The following TRPV4 variants were observed in gnomAD, a reference collection of about 807,000 sequenced individuals.
TRPV4 encodes the protein transient receptor potential cation channel subfamily V member 4, also known as OSM9-like transient receptor potential channel 4.
TRPV4 carries 58 observed loss-of-function variants against 84.1 expected under a neutral mutation model. The observed-to-expected ratio is 0.69, with a 90% CI of 0.56 to 0.86. TRPV4 has a LOEUF of 0.86. Ranked by LOEUF, TRPV4 falls within the 40% of genes least tolerant of loss-of-function variation. The probability of loss-of-function intolerance (pLI) is 0.00; values close to 1 mark genes in which losing one functional copy is unlikely to be tolerated. For missense variants in TRPV4, 879 were observed against 1,181.1 expected, an observed-to-expected ratio of 0.74 and a Z score of 3.75; for synonymous variants, 489 against 500.9, an observed-to-expected ratio of 0.98 and a Z score of 0.32.
chr12:109,784,408 T>C lies in TRPV4; in HGVS notation c.2366A>G (p.Asn789Ser). The C allele has an allele frequency of 1.2e-6, 2 of 1,614,134 alleles. No individual in the cohort carries two copies. Among genetic ancestry groups the C allele is most frequent in the Non-Finnish European group, 8.5e-7 (1 of 1,180,016 alleles). Residue 789 changes from asparagine to serine, a missense_variant, in exon 15 of 16, where the codon AAC (asparagine) becomes AGC (serine). Transcript: ENST00000261740. ...RVDEVNWSHWNQNLGIINEDP... is the reference protein window; with the variant it reads ...RVDEVNWSHWSQNLGIINEDP... Reference sequence around the variant, plus strand: ...CTCGTTGATGATGCCCAAGTTCTGGTTCCAGTGAGACCAGTTCACCTCATC... The same window carrying C: ...CTCGTTGATGATGCCCAAGTTCTGGCTCCAGTGAGACCAGTTCACCTCATC...
chr12:109,792,680 G>A lies in TRPV4; in HGVS notation c.1796C>T (p.Thr599Met), dbSNP rs769225216. ...ALYFTRGLKLTGTYSIMIQKI... is the reference protein window; with the variant it reads ...ALYFTRGLKLMGTYSIMIQKI... Reference sequence around the variant, plus strand: ...CTGGATCATGATGCTATAGGTCCCCGTCAGCTTCAGCCCACGGGTGAAGTA... The same window carrying A: ...CTGGATCATGATGCTATAGGTCCCCATCAGCTTCAGCCCACGGGTGAAGTA... The change falls in exon 11 of 16, where the codon ACG becomes ATG. Residue 599 changes from threonine to methionine, a missense_variant. Physicochemically the swap from Thr to Met is moderately conservative, Grantham distance 81. Coordinates refer to ENST00000261740, the MANE Select transcript of TRPV4 (RefSeq NM_021625.5). The A allele has an allele frequency of 1.5e-5, 24 of 1,614,046 alleles. No individual in the cohort carries two copies. Among genetic ancestry groups the A allele is most frequent in the South Asian group, 1.3e-4 (12 of 91,086 alleles).
In TRPV4 at chr12:109,814,660, G is replaced by A. The variant is rs202066574; in HGVS notation, c.137C>T (p.Ser46Phe). ...GGCATCAGCCGGTGAGGGCGAAAGG[G>A]AGCCATCCTCCCCCTCAAACAGATT... ...LANLFEGEDGSLSPSPADASR... is the reference protein window; with the variant it reads ...LANLFEGEDGFLSPSPADASR... The change falls in exon 2 of 16, where the codon TCC becomes TTC. Residue 46 changes from serine to phenylalanine, a missense_variant. Coordinates refer to ENST00000261740, the MANE Select transcript of TRPV4 (RefSeq NM_021625.5). The surrounding 1 kb of genome is among the most constrained non-coding windows in gnomAD (Gnocchi z 5.4). 1.6e-4 allele frequency: 255 copies of A among 1,613,392 alleles called. No homozygotes were observed. The highest frequency in any genetic ancestry group is 2.1e-4 in the Non-Finnish European group (251 of 1,179,836).
In TRPV4 at chr12:109,786,631, C is replaced by T. The variant is rs545502019; in HGVS notation, c.2336+79G>A. On this transcript the variant is annotated intron_variant, in intron 14 of 15. Coordinates refer to ENST00000261740, the MANE Select transcript of TRPV4 (RefSeq NM_021625.5). This position sits in a 1 kb window ranked among gnomAD's most constrained non-coding sequence, Gnocchi z 4.5. ...GGCTCCAGAAATTGCAATGGGTAGA[C>T]GACGCTGGAGCAGCAGGGGCCCCGA... 52 of 1,578,358 alleles carry T rather than the reference C, an allele frequency of 3.3e-5. No homozygotes were observed. Among genetic ancestry groups the T allele is most frequent in the African/African-American group, 1.2e-4 (9 of 74,192 alleles).
At chr12:109,832,951 T>A (rs956797775) in intron 1 of TRPV4, among the ~76,000 whole-genome samples, 5 of 152,030 alleles carry the variant, frequency 3.3e-5, no homozygotes, top group African/African-American at 1.2e-4. Context: ...GACTCCAAAT[T>A]CCCTCCGACA....
intron 13 of TRPV4, 121 bp downstream of exon 13, chr12:109,788,278 TG>T: frequency 1.1e-6 from 1 of 946,788 alleles, no homozygotes; most frequent in Non-Finnish European, 1.6e-6. Context: ...GACAGAGAAG[TG>T]GAGGGAGAAT....
At chr12:109,789,032 A>G (rs968507896) in intron 12 of TRPV4, among the ~76,000 whole-genome samples, 5 of 152,068 alleles carry the variant, frequency 3.3e-5, no homozygotes, top group Non-Finnish European at 7.3e-5. Context: ...CACAGGCTCA[A>G]TCCCACTACT....
chr12:109,794,074 G>A (rs950679930), intron 8 of TRPV4, 52 bp from the exon 9 acceptor site: 6 of 1,460,500 alleles, frequency 4.1e-6, no homozygotes, highest in Non-Finnish European at 5.7e-6. Context: ...CCAACATCTG[G>A]CCCCCAATCC....
At chr12:109,800,009 C>T (rs1291452537) in intron 5 of TRPV4, among the ~76,000 whole-genome samples, 2 of 152,034 alleles carry the variant, frequency 1.3e-5, no homozygotes, top group Admixed American at 1.3e-4. Flanking sequence ...ATGGGGAAAT[C>T]TCGGCTCATT....
At chr12:109,818,520 G>A (rs79762876) in intron 1 of TRPV4, among the ~76,000 whole-genome samples, 3 of 152,022 alleles carry the variant, frequency 2.0e-5, no homozygotes, top group Non-Finnish European at 2.9e-5. Flanking sequence ...CCACCCGAGC[G>A]CTTACAGTGT....
intron 1 of TRPV4, among the ~76,000 whole-genome samples, chr12:109,819,519 A>T (rs1038961742): frequency 6.6e-6 from 1 of 152,234 alleles, no homozygotes; most frequent in African/African-American, 2.4e-5. Flanking sequence ...GACTGTGAAC[A>T]TCCTCACACA....
Position 109,803,063 on chromosome 12 carries a change from G to A in TRPV4, c.640C>T (p.Leu214=), listed in dbSNP as rs747511037. 4 of 1,614,210 alleles carry A rather than the reference G, an allele frequency of 2.5e-6. No homozygotes were observed. The Admixed American group carries it at 5.0e-5, about 20-fold the overall frequency. ...TTGCCGGTGCGCTCCGCGATGTCCA[G>A]CAGCACAGGGATGGTGTCGTTGCGG... is the stretch of plus-strand genomic sequence containing the variant. ...NGRNDTIPVL[L]DIAERTGNMR... Residue 214 remains leucine (L), a synonymous_variant, in exon 4 of 16, where the codon CTG becomes TTG. Coordinates refer to ENST00000261740, the MANE Select transcript of TRPV4 (RefSeq NM_021625.5).
At chr12:109,794,737 G>A (rs1001447512) in intron 7 of TRPV4, among the ~76,000 whole-genome samples, 1 of 152,126 alleles carries the variant, frequency 6.6e-6, no homozygotes, top group African/African-American at 2.4e-5. Flanking sequence ...TTATTTTCAG[G>A]CCGGCCGCAG....
At chr12:109,820,249 T>A (rs1363152578) in intron 1 of TRPV4, among the ~76,000 whole-genome samples, 1 of 151,620 alleles carries the variant, frequency 6.6e-6, no homozygotes. Flanking sequence ...GGCTCAGGAG[T>A]GGGCAAGTTA....
Position 109,814,385 on chromosome 12 carries a change from C to T in TRPV4, c.386+26G>A. 2 of 1,611,556 alleles carry T rather than the reference C, an allele frequency of 1.2e-6. No homozygotes were observed. The highest frequency in any genetic ancestry group is 1.7e-6 in the Non-Finnish European group (2 of 1,179,052). Reference sequence around the variant, plus strand: ...TGAATGGATACAGAGGAGGAGACCACAGGCCAGGAAGCTAACAATACTCAC... The same window carrying T: ...TGAATGGATACAGAGGAGGAGACCATAGGCCAGGAAGCTAACAATACTCAC... On this transcript the variant is annotated intron_variant, in intron 2 of 15. Coordinates refer to ENST00000261740, the MANE Select transcript of TRPV4 (RefSeq NM_021625.5). This position sits in a 1 kb window ranked among gnomAD's most constrained non-coding sequence, Gnocchi z 5.4.
At chr12:109,831,644 C>A (rs1023022676) in intron 1 of TRPV4, among the ~76,000 whole-genome samples, 1 of 152,220 alleles carries the variant, frequency 6.6e-6, no homozygotes, top group African/African-American at 2.4e-5. Context: ...GCAGGAGGAA[C>A]CTCCACAGCC....
chr12:109,821,987 A>G (rs1172839547), intron 1 of TRPV4, among the ~76,000 whole-genome samples: 1 of 152,046 alleles, frequency 6.6e-6, no homozygotes, highest in Non-Finnish European at 1.5e-5. Flanking sequence ...AGGCTGTAAG[A>G]TCAGGGACCT....
intron 1 of TRPV4, among the ~76,000 whole-genome samples, chr12:109,826,558 A>T (rs1406175390): frequency 1.3e-5 from 2 of 152,218 alleles, no homozygotes; most frequent in East Asian, 3.8e-4. Flanking sequence ...CTGAGTCCAC[A>T]ACGCTACAGG....
intron 3 of TRPV4, among the ~76,000 whole-genome samples, chr12:109,805,021 C>T (rs972875573): frequency 6.6e-6 from 1 of 152,248 alleles, no homozygotes; most frequent in African/African-American, 2.4e-5. Context: ...CTCCAGGAAG[C>T]TCTCCTGGAT....
intron 4 of TRPV4, among the ~76,000 whole-genome samples, chr12:109,802,776 C>T (rs1271887198): frequency 1.3e-5 from 2 of 152,020 alleles, no homozygotes; most frequent in African/African-American, 4.8e-5. Flanking sequence ...TTCTGAAACT[C>T]GAAACAAAGT....
Sources: allele counts gnomAD v4.1 joint callset (sites outside exome capture counted in the v4.1 genomes callset), GRCh38; gene constraint gnomAD v4.1.1; non-coding constraint Gnocchi (gnomAD v3.1); transcripts MANE v1.5; gene names NCBI Gene and HGNC (gene_info 2026-07-23, HGNC 2026-07-21).